POU6F2: variants seen among roughly 807,000 people sequenced by gnomAD.
POU6F2 encodes POU domain, class 6, transcription factor 2.
In POU6F2, 31 loss-of-function variants were observed where a neutral mutation model predicts 71.3. The ratio of observed to expected loss-of-function variants is 0.43; its 90% CI spans 0.33 to 0.59. The LOEUF is 0.59. POU6F2 is among the 20% of genes least tolerant of loss of function. The probability of loss-of-function intolerance (pLI) is 0.04; values close to 1 mark genes in which losing one functional copy is unlikely to be tolerated. For synonymous variants in POU6F2, 347 were observed against 355.7 expected (o/e 0.98, Z 0.27); for missense variants, 783 against 856.8 (o/e 0.91, Z 1.07).
intron 2 of POU6F2, among the ~76,000 whole-genome samples, chr7:39,189,149 A>G (rs1793605565): frequency 6.6e-6 from 1 of 152,142 alleles, no homozygotes; most frequent in Admixed American, 6.5e-5. Flanking sequence ...ACTGAGCACA[A>G]TTTCATAGAA....
intron 1 of POU6F2, among the ~76,000 whole-genome samples, chr7:39,036,261 G>T (rs181722458): frequency 1.3e-5 from 2 of 152,192 alleles, no homozygotes; most frequent in East Asian, 3.9e-4. Context: ...AGAGTTCTTA[G>T]CCAAACCATT....
chr7:39,350,942 G>A (rs1296605621), intron 5 of POU6F2, among the ~76,000 whole-genome samples: 1 of 152,130 alleles, frequency 6.6e-6, no homozygotes, highest in Non-Finnish European at 1.5e-5. Context: ...CAAGTTTACA[G>A]CAGTGGTTCC....
intron 2 of POU6F2, among the ~76,000 whole-genome samples, chr7:39,203,318 G>A (rs1008642589): frequency 2.0e-5 from 3 of 152,174 alleles, no homozygotes; most frequent in Non-Finnish European, 4.4e-5. Flanking sequence ...CAGGAAAAAG[G>A]ATCTTGTTAA....
Position 39,267,810 on chromosome 7 carries a change from A to G in POU6F2, c.598+60190A>G, listed in dbSNP as rs1378877876. ...TAACTGAGCACACACTGTTAACCCT[A>G]ATTAGCTAGTCTGCTGACACTCTTC... is the stretch of plus-strand genomic sequence containing the variant. On this transcript the variant is annotated intron_variant, in intron 4 of 9. Transcript: ENST00000518318. Among the ~76,000 whole-genome samples the G allele has an allele frequency of 2.6e-5, 4 of 152,180 alleles. No individual in the cohort carries two copies. In the South Asian group the frequency reaches 6.2e-4, roughly 24 times the overall value.
chr7:39,186,906 A>G (rs1793551952), intron 2 of POU6F2, among the ~76,000 whole-genome samples: 1 of 152,158 alleles, frequency 6.6e-6, no homozygotes, highest in Non-Finnish European at 1.5e-5. Context: ...ATCTTGTCAG[A>G]TCAAACAGCT....
intron 1 of POU6F2, among the ~76,000 whole-genome samples, chr7:39,017,810 A>G (rs1258044703): frequency 2.0e-5 from 1 of 49,994 alleles, no homozygotes; most frequent in Non-Finnish European, 4.1e-5. Context: ...CAGATTGTGC[A>G]TGCGTGTGTG....
chr7:39,219,170 C>T (rs543676562), intron 4 of POU6F2, among the ~76,000 whole-genome samples: 1 of 152,222 alleles, frequency 6.6e-6, no homozygotes, highest in African/African-American at 2.4e-5. Context: ...TTGATTGTTG[C>T]TTACCCCTTA....
chr7:39,336,912 G>A (rs1785789955), intron 4 of POU6F2, among the ~76,000 whole-genome samples: 1 of 152,162 alleles, frequency 6.6e-6, no homozygotes, highest in Non-Finnish European at 1.5e-5. Flanking sequence ...TTTTCCTTCT[G>A]TACATTGCTA....
chr7:39,349,118 G>A (rs971848814), intron 5 of POU6F2, among the ~76,000 whole-genome samples: 10 of 152,168 alleles, frequency 6.6e-5, no homozygotes, highest in Admixed American at 1.3e-4. Flanking sequence ...AGGCTGGGCC[G>A]TGGAGAAAAC....
At chr7:39,130,718 A>T (rs1792258191) in intron 2 of POU6F2, among the ~76,000 whole-genome samples, 1 of 152,228 alleles carries the variant, frequency 6.6e-6, no homozygotes, top group Non-Finnish European at 1.5e-5. Flanking sequence ...TTTGTTTAAA[A>T]AACATCTCTT....
At chr7:39,064,350 G>A (rs1228797706) in intron 1 of POU6F2, among the ~76,000 whole-genome samples, 2 of 151,718 alleles carry the variant, frequency 1.3e-5, no homozygotes, top group East Asian at 3.9e-4. Context: ...TCTCAACTAT[G>A]AGAGTTGAAA....
Position 39,173,292 on chromosome 7 carries a change from C to T in POU6F2, c.278-30943C>T, listed in dbSNP as rs550571371. Among the ~76,000 whole-genome samples, 9 of 152,268 alleles carry T rather than the reference C, an allele frequency of 5.9e-5. No homozygotes were observed. The South Asian group carries it at 1.7e-3, about 28-fold the overall frequency. ...CACAGCTGTAGAGAGCTAGCTTAAG[C>T]GGTAGATAAGGTGGATTCCATCTGG... On this transcript the variant is annotated intron_variant, in intron 2 of 9. Coordinates refer to ENST00000518318, the MANE Select transcript of POU6F2 (RefSeq NM_001370959.1).
At chr7:39,352,909 C>T (rs185087540) in intron 5 of POU6F2, among the ~76,000 whole-genome samples, 2 of 152,274 alleles carry the variant, frequency 1.3e-5, no homozygotes, top group African/African-American at 4.8e-5. Context: ...TCCTACCCAG[C>T]CACCTTTGGA....
Position 39,168,889 on chromosome 7 carries a change from T to C in POU6F2, c.278-35346T>C, listed in dbSNP as rs114247498. On this transcript the variant is annotated intron_variant, in intron 2 of 9. Coordinates refer to ENST00000518318, the MANE Select transcript of POU6F2 (RefSeq NM_001370959.1). ...GCAGTGATTGCTGCTTTGAATGCTG[T>C]ACAGCTGCGCCCATGTGGCCAGATT... Among the ~76,000 whole-genome samples the C allele has an allele frequency of 6.1e-3, 933 of 152,308 alleles. 10 individuals carry two copies. The highest frequency in any genetic ancestry group is 0.022 in the South Asian group (104 of 4,826).
At chr7:39,184,118 A>G (rs536927218) in intron 2 of POU6F2, among the ~76,000 whole-genome samples, 4 of 152,316 alleles carry the variant, frequency 2.6e-5, no homozygotes, top group Admixed American at 1.3e-4. Context: ...TGTTTAGTCT[A>G]TGGGAAAGGA....
At position 39,464,638 on chromosome 7, in the gene POU6F2, G is replaced by A. The variant is rs146111946; in HGVS notation, c.2115G>A (p.Thr705=). The A allele has an allele frequency of 1.4e-5, 22 of 1,608,788 alleles. No individual in the cohort carries two copies. In the South Asian group the frequency reaches 1.7e-4, roughly 12 times the overall value. ...IKRLKQHEPA[T]AVPLEPLTDS... ...GCTTAAAACAGCACGAGCCGGCCAC[G>A]GCAGTCCCTTTGGAGCCCTTAACAG... The change falls in exon 10 of 10, where the codon ACG becomes ACA. Residue 705 remains threonine, a synonymous_variant. Transcript: ENST00000518318. The surrounding 1 kb of genome is among the most constrained non-coding windows in gnomAD (Gnocchi z 4.1).
At chr7:39,265,182 GACCCTCTGGTTCTGAATTTGGGATAGGAA>G (rs1266030392) in intron 4 of POU6F2, among the ~76,000 whole-genome samples, 1 of 152,194 alleles carries the variant, frequency 6.6e-6, no homozygotes, top group East Asian at 1.9e-4. Flanking sequence ...AAAATTCTGG[GACCCTCTGGTTCTGAATTTGGGATAGGAA>G]ATCCAAGCCT....
At chr7:39,168,850 C>G (rs557743340) in intron 2 of POU6F2, among the ~76,000 whole-genome samples, 1 of 152,164 alleles carries the variant, frequency 6.6e-6, no homozygotes, top group Admixed American at 6.5e-5. Flanking sequence ...AAGAAAACTA[C>G]CACACCAGAG....
At chr7:38,987,047 G>A (rs905502593) in intron 1 of POU6F2, among the ~76,000 whole-genome samples, 2 of 152,094 alleles carry the variant, frequency 1.3e-5, no homozygotes, top group Non-Finnish European at 2.9e-5. Context: ...CTAACAAGTA[G>A]AGAAGTTTCA....
Sources: gnomAD v4.1 joint callset for allele counts (sites outside exome capture counted in the v4.1 genomes callset) on GRCh38, gnomAD v4.1.1 for gene constraint, Gnocchi (gnomAD v3.1) non-coding constraint, MANE v1.5 for transcripts, NCBI Gene and HGNC (gene_info 2026-07-23, HGNC 2026-07-21) for gene names.